DMD: variants seen among roughly 807,000 people sequenced by gnomAD.
DMD encodes the protein mutant dystrophin.
A neutral mutation model predicts 330.1 loss-of-function variants in DMD; 63 were observed. The ratio of observed to expected loss-of-function variants is 0.19; its 90% CI spans 0.16 to 0.24. DMD has a LOEUF of 0.24. Among genes scored for constraint, DMD ranks in the 10% least tolerant of loss-of-function variants. The pLI, the probability that DMD is intolerant of heterozygous loss-of-function variation, is 1.00. For synonymous variants in DMD, 1,223 were observed against 959.8 expected, an observed-to-expected ratio of 1.27 and a Z score of -5.07; for missense variants, 3,344 against 2,684.1, an observed-to-expected ratio of 1.25 and a Z score of -5.43.
intron 7 of DMD, among the ~76,000 whole-genome samples, chrX:32,731,427 G>A (rs1169156104): frequency 8.9e-6 from 1 of 112,861 alleles, no homozygotes. Context: ...AAGGAGGCCT[G>A]CCTGCCTCTG....
At chrX:32,869,394 G>A (rs2082772048) in intron 2 of DMD, among the ~76,000 whole-genome samples, 1 of 110,794 alleles carries the variant, frequency 9.0e-6, no homozygotes, top group Non-Finnish European at 1.9e-5. Context: ...AGTGGACAGA[G>A]GCTGAGACGG....
intron 2 of DMD, among the ~76,000 whole-genome samples, chrX:32,962,598 G>A (rs1262810540): frequency 1.8e-5 from 2 of 111,477 alleles, no homozygotes; most frequent in African/African-American, 6.5e-5. Context: ...CAGGAGACAT[G>A]GGGTAGATTA....
chrX:32,027,164 G>GCGCACACACACACATA (rs1557075784), intron 44 of DMD, among the ~76,000 whole-genome samples: 4 of 89,517 alleles, frequency 4.5e-5, no homozygotes, highest in African/African-American at 1.8e-4. Flanking sequence ...ACACGCACGT[G>GCGCACACACACACATA]CACACACACA....
chrX:32,492,427 G>T (rs1044820128), intron 19 of DMD, among the ~76,000 whole-genome samples: 4 of 112,457 alleles, frequency 3.6e-5, no homozygotes, highest in Non-Finnish European at 5.6e-5. Context: ...AAATGTAGAA[G>T]TTGATCTCAA....
chrX:33,088,649 C>T (rs1223823237), intron 1 of DMD, among the ~76,000 whole-genome samples: 4 of 110,994 alleles, frequency 3.6e-5, no homozygotes, highest in Non-Finnish European at 7.5e-5. Flanking sequence ...CGCGCCACTG[C>T]ACTCCAGCCT....
At chrX:33,252,851 A>G (rs1330284733) in intron 1 of DMD, among the ~76,000 whole-genome samples, 1 of 111,998 alleles carries the variant, frequency 8.9e-6, no homozygotes, top group East Asian at 2.8e-4. Context: ...GGAAAAACCC[A>G]GAATCAGTCA....
At chrX:33,193,970 C>T (rs930598004) in intron 1 of DMD, among the ~76,000 whole-genome samples, 6 of 109,855 alleles carry the variant, frequency 5.5e-5, no homozygotes, top group Admixed American at 9.9e-5. Context: ...ATGTGGTTTG[C>T]GGCATCCAGG....
chrX:32,318,855 T>G (rs2097595454), intron 41 of DMD, among the ~76,000 whole-genome samples: 1 of 111,504 alleles, frequency 9.0e-6, no homozygotes, highest in South Asian at 3.7e-4. Context: ...CAGATGATGC[T>G]GGATTTGCCA....
chrX:32,060,754 T>G lies in DMD; in HGVS notation c.6439-92240A>C, dbSNP rs186719773. 3.7e-3 allele frequency among the ~76,000 whole-genome samples: 412 copies of G among 111,597 alleles called. 3 individuals are homozygous for G. Among genetic ancestry groups the G allele is most frequent in the African/African-American group, 0.012 (377 of 30,788 alleles). ...ACAAATAATGTAAGGAAGGAGATAA[T>G]TTGTGACTAAAACCTAGTCTTTCCA... On this transcript the variant is annotated intron_variant, in intron 44 of 78. Coordinates refer to ENST00000357033, the MANE Select transcript of DMD (RefSeq NM_004006.3).
chrX:31,123,100 T>C (rs1290159710), intron 78 of DMD, among the ~76,000 whole-genome samples: 3 of 111,779 alleles, frequency 2.7e-5, no homozygotes, highest in Non-Finnish European at 1.9e-5. Flanking sequence ...AAATTAAAGC[T>C]ATAGACTAGG....
In DMD at chrX:32,573,810, T is replaced by C. The variant is rs2052707401; in HGVS notation, c.1639A>G (p.Thr547Ala). ...TGTAAAAGAACCCAGCGGTCTTCTGTCCATCTACAGATGTTTGCCCATCGA... is the reference window on the plus strand; with the variant it reads ...TGTAAAAGAACCCAGCGGTCTTCTGCCCATCTACAGATGTTTGCCCATCGA... ...GDRWANICRW[T>A]EDRWVLLQDI... is the part of the protein sequence containing the mutation. Residue 547 changes from threonine to alanine, a missense_variant, in exon 14 of 79, where the codon ACA becomes GCA. Thr to Ala is a moderately conservative substitution (Grantham distance 58). Transcript: ENST00000357033. 4 of 1,211,450 alleles carry C rather than the reference T, an allele frequency of 3.3e-6. No individual in the cohort carries two copies. The highest frequency in any genetic ancestry group is 3.4e-6 in the Non-Finnish European group (3 of 895,239).
At chrX:31,276,063 G>GT (rs1386313111) in intron 62 of DMD, among the ~76,000 whole-genome samples, 2 of 111,666 alleles carry the variant, frequency 1.8e-5, no homozygotes, top group Non-Finnish European at 3.8e-5. Flanking sequence ...TTTGTTTTTT[G>GT]TTTTTTGTTT....
chrX:32,393,245 C>T (rs1420333296), intron 30 of DMD, among the ~76,000 whole-genome samples: 1 of 110,691 alleles, frequency 9.0e-6, no homozygotes, highest in Non-Finnish European at 1.9e-5. Context: ...ACTGTATATG[C>T]ATACTGGATA....
chrX:32,827,656 T>TC (rs2078826326), intron 4 of DMD, among the ~76,000 whole-genome samples: 1 of 68,900 alleles, frequency 1.5e-5, no homozygotes, highest in Non-Finnish European at 2.5e-5. Context: ...TGTTATTAAC[T>TC]CCCCTTTTTT....
intron 18 of DMD, among the ~76,000 whole-genome samples, chrX:32,510,148 AGTCCTTACCATG>A (rs1449584119): frequency 2.7e-5 from 3 of 112,030 alleles, no homozygotes; most frequent in Non-Finnish European, 5.6e-5. Flanking sequence ...TAAAAGCTCA[AGTCCTTACCATG>A]GTCTGATCTT....
intron 49 of DMD, among the ~76,000 whole-genome samples, chrX:31,828,021 C>A (rs1048828119): frequency 5.4e-5 from 6 of 111,456 alleles, no homozygotes; most frequent in African/African-American, 1.6e-4. Context: ...GAAACAAGAA[C>A]AAACTAAACT....
intron 63 of DMD, among the ~76,000 whole-genome samples, chrX:31,246,536 T>C (rs2048843875): frequency 1.8e-5 from 2 of 112,492 alleles, no homozygotes; most frequent in Admixed American, 1.9e-4. Flanking sequence ...AAAGCTTCAA[T>C]GGACAGGCTG....
At position 33,101,365 on chromosome X, in the gene DMD, C is replaced by T. The variant is rs376722552; in HGVS notation, c.32-81165G>A. On this transcript the variant is annotated intron_variant, in intron 1 of 78. Coordinates refer to ENST00000357033, the MANE Select transcript of DMD (RefSeq NM_004006.3). ...ACTTCAGGCCAGGTGCGGTGGCTCA[C>T]GCCCATAATCTCAGCACTTTGGGAG... Among the ~76,000 whole-genome samples, 20 of 112,383 alleles carry T rather than the reference C, an allele frequency of 1.8e-4. No individual in the cohort carries two copies. In the East Asian group the frequency reaches 2.3e-3, roughly 13 times the overall value.
intron 1 of DMD, among the ~76,000 whole-genome samples, chrX:33,029,276 A>G (rs757511374): frequency 2.5e-4 from 28 of 112,004 alleles, no homozygotes; most frequent in Non-Finnish European, 4.5e-4. Context: ...AAATATTGCT[A>G]CTTATTTTCA....
Sources: gnomAD v4.1 joint callset for allele counts (sites outside exome capture counted in the v4.1 genomes callset) on GRCh38, gnomAD v4.1.1 for gene constraint, MANE v1.5 for transcripts, NCBI Gene and HGNC (gene_info 2026-07-23, HGNC 2026-07-21) for gene names.